B3GALT1: variants seen among roughly 807,000 people sequenced by gnomAD.
The protein encoded by B3GALT1 is UDP-Gal:betaGlcNAc beta 1,3-galactosyltransferase, polypeptide 1.
A neutral mutation model predicts 23.2 loss-of-function variants in B3GALT1; 10 were observed. That is an observed-to-expected ratio of 0.43 (90% CI 0.27 to 0.73). B3GALT1 has a LOEUF of 0.73. Ranked by LOEUF, B3GALT1 falls within the 30% of genes least tolerant of loss-of-function variation. B3GALT1 has a pLI of 0.21. For missense variants in B3GALT1, 299 were observed against 405.4 expected, an observed-to-expected ratio of 0.74 and a Z score of 2.25; for synonymous variants, 156 against 141.5, an observed-to-expected ratio of 1.10 and a Z score of -0.73.
rs774192945 is a variant in B3GALT1, at chr2:167,784,542, AG to A, written c.-351-34129del. Among the ~76,000 whole-genome samples the A allele has an allele frequency of 1.4e-3, 219 of 152,344 alleles. 1 individual carries two copies. Among genetic ancestry groups the A allele is most frequent in the Non-Finnish European group, 2.6e-3 (175 of 68,022 alleles). ...CCTTGGGGAATTGTCTAAAGAAAAT[AG>A]CATTTAAGCCTACTTGTACAAAGAT... is the stretch of plus-strand genomic sequence containing the variant. On this transcript the variant is annotated intron_variant, in intron 3 of 4. Transcript: ENST00000392690.
intron 2 of B3GALT1, among the ~76,000 whole-genome samples, chr2:167,519,045 C>A (rs1010394212): frequency 3.3e-5 from 5 of 151,864 alleles, no homozygotes; most frequent in Non-Finnish European, 7.4e-5. Context: ...AAGCTGGCTT[C>A]ACTTCTTAGG....
intron 3 of B3GALT1, chr2:167,713,539 A>G: frequency 1.4e-6 from 1 of 693,074 alleles, no homozygotes; most frequent in Non-Finnish European, 2.5e-6. Context: ...CTGTCCTGAG[A>G]ACTGTAATTC....
At chr2:167,474,723 A>G (rs1483450815) in intron 1 of B3GALT1, among the ~76,000 whole-genome samples, 2 of 152,214 alleles carry the variant, frequency 1.3e-5, no homozygotes, top group Non-Finnish European at 2.9e-5. Flanking sequence ...CAGTATTTTA[A>G]TAAGTCCTTG....
intron 3 of B3GALT1, among the ~76,000 whole-genome samples, chr2:167,798,058 T>G (rs572645390): frequency 1.3e-5 from 2 of 152,362 alleles, no homozygotes; most frequent in East Asian, 3.9e-4. Context: ...TTGAGCTTTT[T>G]ATCATATGTT....
intron 3 of B3GALT1, among the ~76,000 whole-genome samples, chr2:167,719,105 G>A (rs927506399): frequency 1.3e-5 from 2 of 152,156 alleles, no homozygotes; most frequent in Admixed American, 6.5e-5. Flanking sequence ...TATTATAGCA[G>A]TCAAGGTCAA....
At chr2:167,672,148 T>A (rs1248249586) in intron 3 of B3GALT1, among the ~76,000 whole-genome samples, 1 of 152,110 alleles carries the variant, frequency 6.6e-6, no homozygotes, top group Non-Finnish European at 1.5e-5. Context: ...TAACCTGAAA[T>A]TTTTCAGAAA....
At chr2:167,363,034 T>A (rs1463891972) in intron 1 of B3GALT1, among the ~76,000 whole-genome samples, 1 of 151,816 alleles carries the variant, frequency 6.6e-6, no homozygotes, top group Non-Finnish European at 1.5e-5. Flanking sequence ...TTTTGTATTT[T>A]TAGTAGAGAT....
intron 3 of B3GALT1, among the ~76,000 whole-genome samples, chr2:167,717,916 A>G (rs1192016418): frequency 6.6e-6 from 1 of 152,194 alleles, no homozygotes; most frequent in East Asian, 1.9e-4. Context: ...AATTTTCTTC[A>G]TGCTTTCATT....
At chr2:167,623,430 A>G (rs575825987) in intron 2 of B3GALT1, among the ~76,000 whole-genome samples, 27 of 152,286 alleles carry the variant, frequency 1.8e-4, no homozygotes, top group African/African-American at 6.3e-4. Flanking sequence ...AGCCATAAAA[A>G]AGGATGTTCA....
chr2:167,472,330 A>G (rs1699428659), intron 1 of B3GALT1, among the ~76,000 whole-genome samples: 1 of 152,120 alleles, frequency 6.6e-6, no homozygotes, highest in Non-Finnish European at 1.5e-5. Context: ...GGGGGCTATT[A>G]ACAAGAATGG....
chr2:167,345,057 T>G (rs1214765950), intron 1 of B3GALT1, among the ~76,000 whole-genome samples: 1 of 152,134 alleles, frequency 6.6e-6, no homozygotes, highest in Non-Finnish European at 1.5e-5. Flanking sequence ...AACAAAATAT[T>G]TATTGAACCC....
At chr2:167,462,829 T>A (rs1385084569) in intron 1 of B3GALT1, among the ~76,000 whole-genome samples, 8 of 152,208 alleles carry the variant, frequency 5.3e-5, no homozygotes, top group Non-Finnish European at 1.2e-4. Flanking sequence ...ATGCTAATTA[T>A]ACCCATTCTG....
intron 4 of B3GALT1, among the ~76,000 whole-genome samples, chr2:167,861,136 T>A (rs1369410417): frequency 6.6e-6 from 1 of 152,214 alleles, no homozygotes; most frequent in Non-Finnish European, 1.5e-5. Context: ...TTTCAAGTAA[T>A]GTACAGCATT....
intron 3 of B3GALT1, among the ~76,000 whole-genome samples, chr2:167,736,629 C>T (rs915972777): frequency 2.0e-5 from 3 of 152,180 alleles, no homozygotes; most frequent in African/African-American, 7.2e-5. Context: ...AGGCTGGATG[C>T]AGTGGCTCAC....
intron 2 of B3GALT1, among the ~76,000 whole-genome samples, chr2:167,607,333 G>T (rs1246734470): frequency 2.0e-5 from 3 of 152,140 alleles, no homozygotes; most frequent in African/African-American, 7.2e-5. Flanking sequence ...TTGGCTTTTG[G>T]AGTCTCTCCT....
At chr2:167,563,831 T>C (rs1219327064) in intron 2 of B3GALT1, among the ~76,000 whole-genome samples, 1 of 128,662 alleles carries the variant, frequency 7.8e-6, no homozygotes, top group African/African-American at 3.0e-5. Context: ...GCAGAGAGGC[T>C]CCCCACCTCC....
intron 3 of B3GALT1, among the ~76,000 whole-genome samples, chr2:167,671,035 C>G (rs551593789): frequency 6.6e-6 from 1 of 152,022 alleles, no homozygotes; most frequent in South Asian, 2.1e-4. Context: ...GCAGGGATGG[C>G]TACACTTTTA....
At chr2:167,381,501 T>G (rs985683464) in intron 1 of B3GALT1, among the ~76,000 whole-genome samples, 5 of 152,216 alleles carry the variant, frequency 3.3e-5, no homozygotes, top group Non-Finnish European at 7.3e-5. Flanking sequence ...AAGCTCAGCC[T>G]CCATCACCAG....
chr2:167,471,971 C>T (rs1699424076), intron 1 of B3GALT1, among the ~76,000 whole-genome samples: 1 of 152,124 alleles, frequency 6.6e-6, no homozygotes, highest in African/African-American at 2.4e-5. Context: ...TGCTGGCAGA[C>T]CACAAAAGCT....
Sources: gnomAD v4.1 joint callset for allele counts (sites outside exome capture counted in the v4.1 genomes callset) on GRCh38, gnomAD v4.1.1 for gene constraint, MANE v1.5 for transcripts, NCBI Gene and HGNC (gene_info 2026-07-23, HGNC 2026-07-21) for gene names.